Variants in DTNA observed in about 807,000 individuals in gnomAD.
DTNA encodes dystrobrevin alpha.
Under a neutral mutation model 100.7 loss-of-function variants are expected in DTNA, and 43 were observed. The observed-to-expected ratio is 0.43, with a 90% confidence interval of 0.33 to 0.55. The LOEUF (loss-of-function observed/expected upper bound fraction) is 0.55. DTNA is among the 20% of genes least tolerant of loss of function. The pLI is 0.04. For synonymous variants in DTNA, 349 were observed against 347.9 expected (o/e 1.00, Z -0.04); for missense variants, 798 against 953.9 (o/e 0.84, Z 2.15).
intron 1 of DTNA, among the ~76,000 whole-genome samples, chr18:34,575,831 C>G (rs1407507509): frequency 1.3e-5 from 2 of 152,248 alleles, no homozygotes; most frequent in East Asian, 3.9e-4. Context: ...CCATTTTCCC[C>G]TAGAAAGTCT....
chr18:34,643,180 T>A (rs1255550965), intron 1 of DTNA, among the ~76,000 whole-genome samples: 2 of 152,208 alleles, frequency 1.3e-5, no homozygotes, highest in Admixed American at 1.3e-4. Flanking sequence ...TGGCTCTTGG[T>A]TCCTCAGGGC....
chr18:34,847,650 C>T (rs2096404100), intron 13 of DTNA, among the ~76,000 whole-genome samples: 1 of 152,188 alleles, frequency 6.6e-6, no homozygotes, highest in Non-Finnish European at 1.5e-5. Context: ...CTAGGTCTTT[C>T]CATAAAGGCT....
intron 1 of DTNA, among the ~76,000 whole-genome samples, chr18:34,553,300 T>C (rs2045657750): frequency 6.6e-6 from 1 of 151,754 alleles, no homozygotes; most frequent in African/African-American, 2.4e-5. Flanking sequence ...GATGAGTAGG[T>C]TGCGAAAATT....
At chr18:34,881,438 T>TC (rs2096872072) in intron 20 of DTNA, among the ~76,000 whole-genome samples, 1 of 57,562 alleles carries the variant, frequency 1.7e-5, no homozygotes, top group Non-Finnish European at 3.6e-5. Context: ...ATTAAAATGC[T>TC]TTTTTTTTTT....
chr18:34,624,428 A>T (rs965607706), intron 1 of DTNA, among the ~76,000 whole-genome samples: 10 of 152,086 alleles, frequency 6.6e-5, no homozygotes, highest in African/African-American at 2.4e-4. Flanking sequence ...TTAAGTAAAG[A>T]TCTGACAGCA....
chr18:34,593,779 C>T (rs953772908), intron 1 of DTNA, among the ~76,000 whole-genome samples: 1 of 152,092 alleles, frequency 6.6e-6, no homozygotes, highest in African/African-American at 2.4e-5. Context: ...TTGTTTTTCC[C>T]TCTATTCTTC....
intron 9 of DTNA, among the ~76,000 whole-genome samples, chr18:34,821,848 A>G (rs1289486063): frequency 1.3e-5 from 2 of 152,232 alleles, no homozygotes; most frequent in Non-Finnish European, 1.5e-5. Context: ...TTCATGCTTC[A>G]GGCAGTTCAG....
chr18:34,828,122 C>A (rs1468075022), intron 10 of DTNA, among the ~76,000 whole-genome samples: 2 of 152,098 alleles, frequency 1.3e-5, no homozygotes, highest in African/African-American at 4.8e-5. Flanking sequence ...GTTCCTGAGG[C>A]TAGAGGATAA....
Position 34,526,583 on chromosome 18 carries a change from G to A in DTNA, c.-2+33069G>A, listed in dbSNP as rs560169243. On this transcript the variant is annotated intron_variant, in intron 1 of 19. Coordinates refer to the DTNA transcript ENST00000283365. ...TTAGAATTAATGAATAACAGAAAACGGCCGTGTCCCTATACTTACATAATC... is the reference window on the plus strand; with the variant it reads ...TTAGAATTAATGAATAACAGAAAACAGCCGTGTCCCTATACTTACATAATC... Among the ~76,000 whole-genome samples, 17 of 152,018 alleles carry A rather than the reference G, an allele frequency of 1.1e-4. No homozygotes were observed. In the South Asian group the frequency reaches 2.5e-3, roughly 22 times the overall value.
intron 1 of DTNA, among the ~76,000 whole-genome samples, chr18:34,546,364 C>A (rs554684642): frequency 6.6e-6 from 1 of 152,056 alleles, no homozygotes; most frequent in Non-Finnish European, 1.5e-5. Context: ...TGGAGATCTG[C>A]CCTATCAAGT....
At chr18:34,517,919 T>C (rs1262445714) in intron 1 of DTNA, among the ~76,000 whole-genome samples, 3 of 152,150 alleles carry the variant, frequency 2.0e-5, no homozygotes, top group African/African-American at 7.2e-5. Context: ...CATCTGTGAA[T>C]AGGTTTGTGT....
chr18:34,567,497 TTAA>T (rs1293617002), intron 1 of DTNA, among the ~76,000 whole-genome samples: 2 of 152,178 alleles, frequency 1.3e-5, no homozygotes, highest in Non-Finnish European at 1.5e-5. Context: ...TGTGTTAGAC[TTAA>T]TAAATCAGAA....
chr18:34,594,105 G>A (rs2050091021), intron 1 of DTNA, among the ~76,000 whole-genome samples: 1 of 151,310 alleles, frequency 6.6e-6, no homozygotes, highest in African/African-American at 2.4e-5. Flanking sequence ...ATTTTTTAGT[G>A]TTATCTCATT....
At chr18:34,762,190 A>G (rs1268431273) in intron 2 of DTNA, among the ~76,000 whole-genome samples, 1 of 152,234 alleles carries the variant, frequency 6.6e-6, no homozygotes, top group Non-Finnish European at 1.5e-5. Context: ...GTCAGCTAAT[A>G]CGCTTTTTAA....
intron 1 of DTNA, among the ~76,000 whole-genome samples, chr18:34,690,035 T>G (rs1421915715): frequency 6.6e-6 from 1 of 152,206 alleles, no homozygotes; most frequent in Non-Finnish European, 1.5e-5. Flanking sequence ...CAGACTGCTG[T>G]GCTGACAGCG....
At chr18:34,872,961 C>A (rs1236673476) in intron 17 of DTNA, among the ~76,000 whole-genome samples, 4 of 152,158 alleles carry the variant, frequency 2.6e-5, no homozygotes, top group Non-Finnish European at 4.4e-5. Flanking sequence ...TGCTCAGAAA[C>A]CTTGGGTAAT....
In DTNA at chr18:34,555,222, T is replaced by A. The variant is rs1394466904; in HGVS notation, c.-2+61708T>A. Among the ~76,000 whole-genome samples the A allele has an allele frequency of 2.8e-5, 4 of 143,408 alleles. No individual in the cohort carries two copies. In the East Asian group the frequency reaches 7.9e-4, roughly 28 times the overall value. The allele number at this position is 143,408 out of a possible 152,430, so 94.1% of individuals were successfully genotyped here. A position where few individuals can be genotyped will look rare whatever the true frequency, so the allele number is the denominator to read the frequency against. On this transcript the variant is annotated intron_variant, in intron 1 of 19. Coordinates refer to the DTNA transcript ENST00000283365. ...TATTTCTGTGGGATCGGTGGTGATA[T>A]CCCCTTTATCATTTTTTATTGTGTC...
At chr18:34,560,760 A>G (rs1437666702) in intron 1 of DTNA, among the ~76,000 whole-genome samples, 1 of 151,996 alleles carries the variant, frequency 6.6e-6, no homozygotes, top group Non-Finnish European at 1.5e-5. Context: ...ACACACACGC[A>G]CACACACGCA....
intron 3 of DTNA, among the ~76,000 whole-genome samples, chr18:34,791,178 A>G (rs990036232): frequency 2.0e-5 from 3 of 152,196 alleles, no homozygotes; most frequent in Non-Finnish European, 4.4e-5. Context: ...CCTATTCCTT[A>G]CAATGGCTCG....
Sources: gnomAD v4.1 joint callset for allele counts (sites outside exome capture counted in the v4.1 genomes callset) on GRCh38, gnomAD v4.1.1 for gene constraint, MANE v1.5 for transcripts, NCBI Gene and HGNC (gene_info 2026-07-23, HGNC 2026-07-21) for gene names.